Variants in MRTFB observed in about 807,000 individuals in gnomAD.
MRTFB encodes myocardin-related transcription factor B.
A neutral mutation model predicts 104.2 loss-of-function variants in MRTFB; 29 were observed. The observed-to-expected ratio is 0.28, with a 90% CI of 0.21 to 0.38. MRTFB has a LOEUF of 0.38. MRTFB is among the 10% of genes least tolerant of loss of function. The pLI, the probability that MRTFB is intolerant of heterozygous loss-of-function variation, is 1.00. For missense variants in MRTFB, 1,270 were observed against 1,341.6 expected (o/e 0.95, Z 0.83); for synonymous variants, 535 against 519.5 (o/e 1.03, Z -0.41).
chr16:14,175,430 G>A (rs1216386341), intron 3 of MRTFB, among the ~76,000 whole-genome samples: 1 of 152,056 alleles, frequency 6.6e-6, no homozygotes, highest in African/African-American at 2.4e-5. Flanking sequence ...CATCCATGTT[G>A]TTTATGTAAT....
chr16:14,146,486 TTGAAA>T (rs2038323492), intron 3 of MRTFB, among the ~76,000 whole-genome samples: 1 of 152,242 alleles, frequency 6.6e-6, no homozygotes, highest in Non-Finnish European at 1.5e-5. Flanking sequence ...TTTTCAGTTC[TTGAAA>T]TGATCACTTA....
chr16:14,112,273 C>G (rs2036310644), intron 2 of MRTFB, among the ~76,000 whole-genome samples: 1 of 152,066 alleles, frequency 6.6e-6, no homozygotes, highest in South Asian at 2.1e-4. Flanking sequence ...TGAGAGATAG[C>G]TAGGAGGCAG....
the MRTFB span, among the ~76,000 whole-genome samples, chr16:14,045,836 C>T: frequency 6.6e-6 from 1 of 152,140 alleles, no homozygotes; most frequent in Non-Finnish European, 1.5e-5. Flanking sequence ...CCTCTGGTGC[C>T]ACCTGAATAA....
the MRTFB span, among the ~76,000 whole-genome samples, chr16:14,024,937 C>T: frequency 1.3e-5 from 2 of 152,136 alleles, no homozygotes; most frequent in African/African-American, 4.8e-5. Flanking sequence ...CCCAGTGGAG[C>T]TCGGATTTGA....
chr16:14,059,616 C>T, the MRTFB span, among the ~76,000 whole-genome samples: 1 of 152,284 alleles, frequency 6.6e-6, no homozygotes, highest in Non-Finnish European at 1.5e-5. Flanking sequence ...GACAGCACAT[C>T]AAACTGAGTG....
chr16:14,134,838 T>G (rs994460144), intron 2 of MRTFB, among the ~76,000 whole-genome samples: 4 of 152,226 alleles, frequency 2.6e-5, no homozygotes, highest in Admixed American at 2.6e-4. Flanking sequence ...ATGGCTTTGA[T>G]GTTAGTCTCT....
At chr16:14,176,457 C>T (rs2039587343) in intron 3 of MRTFB, among the ~76,000 whole-genome samples, 1 of 152,188 alleles carries the variant, frequency 6.6e-6, no homozygotes, top group Admixed American at 6.5e-5. Context: ...GAATTAAACC[C>T]TACAAATGTG....
chr16:14,017,687 G>GTATATATATATATATATATATA, the MRTFB span, among the ~76,000 whole-genome samples: 7 of 6,812 alleles, frequency 1.0e-3, no homozygotes, highest in Non-Finnish European at 3.4e-3. Context: ...GTGTGTGTGT[G>GTATATATATATATATATATATA]TATATATATA....
chr16:14,209,728 T>G (rs927847126), intron 3 of MRTFB, among the ~76,000 whole-genome samples: 8 of 152,172 alleles, frequency 5.3e-5, no homozygotes, highest in Non-Finnish European at 1.2e-4. Flanking sequence ...ATTACTAAAC[T>G]TTAAATTCCT....
chr16:14,249,108 A>T (rs1364411250), intron 13 of MRTFB, 27 bp downstream of exon 13: 1 of 1,606,808 alleles, frequency 6.2e-7, no homozygotes, highest in Admixed American at 1.7e-5. Flanking sequence ...GAGCAATAGA[A>T]TGTCGCTGAT....
chr16:14,170,580 C>T (rs1389361918), intron 3 of MRTFB: 1 of 152,106 alleles, frequency 6.6e-6, no homozygotes, highest in Non-Finnish European at 1.5e-5. Flanking sequence ...ACGTTTAGAT[C>T]ATGCCTAGAA....
At chr16:14,099,314 T>G (rs1826059070) in intron 2 of MRTFB, among the ~76,000 whole-genome samples, 1 of 151,996 alleles carries the variant, frequency 6.6e-6, no homozygotes, top group African/African-American at 2.4e-5. Context: ...ATATTTTGTA[T>G]TTTTTGGTGT....
chr16:14,189,298 C>T (rs1200003610), intron 3 of MRTFB, among the ~76,000 whole-genome samples: 1 of 152,186 alleles, frequency 6.6e-6, no homozygotes, highest in Non-Finnish European at 1.5e-5. Flanking sequence ...ATCCTGCCTG[C>T]AGATGAACAA....
rs190131353 is a variant in MRTFB, at chr16:14,211,052, A to G, written c.220+744A>G. ...CTTATTCAGTTTCAAAACACTAGAA[A>G]GAAATTACAGCATTAATTTATGCTT... On this transcript the variant is annotated intron_variant, in intron 4 of 16. Transcript: ENST00000571589. Among the ~76,000 whole-genome samples, 86 of 152,358 alleles carry G rather than the reference A, an allele frequency of 5.6e-4. 1 individual carries two copies. Among genetic ancestry groups the G allele is most frequent in the African/African-American group, 2.0e-3 (84 of 41,572 alleles).
chr16:14,117,815 T>G (rs1017854110), intron 2 of MRTFB, among the ~76,000 whole-genome samples: 7 of 151,944 alleles, frequency 4.6e-5, no homozygotes, highest in African/African-American at 9.7e-5. Context: ...AGTTAGAAAA[T>G]CAGGAAGACT....
the MRTFB span, among the ~76,000 whole-genome samples, chr16:14,045,660 A>C: frequency 6.6e-6 from 1 of 152,206 alleles, no homozygotes; most frequent in Non-Finnish European, 1.5e-5. Flanking sequence ...TACCTTCATC[A>C]GTTAGAAGCA....
chr16:14,048,412 A>G, the MRTFB span, among the ~76,000 whole-genome samples: 1 of 152,194 alleles, frequency 6.6e-6, no homozygotes, highest in African/African-American at 2.4e-5. Context: ...AAGACTTGGG[A>G]CAGAGTATTC....
intron 8 of MRTFB, among the ~76,000 whole-genome samples, chr16:14,230,610 A>G (rs1158869231): frequency 1.3e-5 from 2 of 152,152 alleles, no homozygotes; most frequent in East Asian, 3.9e-4. Context: ...TTAGAATGGC[A>G]ATTATTAAAA....
rs1035862894 is a variant in MRTFB at position 14,178,708 on chromosome 16, G to A, written c.155-31535G>A. Among the ~76,000 whole-genome samples, 4 of 152,052 alleles carry A rather than the reference G, an allele frequency of 2.6e-5. No homozygotes were observed. In the East Asian group the frequency reaches 7.7e-4, roughly 29 times the overall value. ...TTAAAAACAGTTTGTAGATGACTTA[G>A]TTGGGCTTTTCAGTGTATGGGGGGC... On this transcript the variant is annotated intron_variant, in intron 3 of 16. Coordinates refer to ENST00000571589, the MANE Select transcript of MRTFB (RefSeq NM_001308142.2).
Sources: gnomAD v4.1 joint callset for allele counts (sites outside exome capture counted in the v4.1 genomes callset) on GRCh38, gnomAD v4.1.1 for gene constraint, MANE v1.5 for transcripts, NCBI Gene and HGNC (gene_info 2026-07-23, HGNC 2026-07-21) for gene names.